Variants in ZC4H2 observed in about 807,000 individuals in gnomAD.
ZC4H2 encodes the protein zinc finger C4H2 domain-containing protein.
For synonymous variants in ZC4H2, 84 were observed against 66.3 expected (o/e 1.27, Z -1.30); for missense variants, 137 against 173.9 (o/e 0.79, Z 1.19).
chrX:64,954,847 T>C (rs1474261349), intron 1 of ZC4H2, among the ~76,000 whole-genome samples: 2 of 111,229 alleles, frequency 1.8e-5, no homozygotes, highest in Admixed American at 1.9e-4. Context: ...AATACTGAAA[T>C]TGTTTAGGTA....
rs1249979885 is a variant in ZC4H2, at chrX:64,976,353, A to G, written c.25T>C (p.Cys9Arg). ...ATCTCTTTAATGCTTTCCAATTTGC[A>G]CATGATTTCTTGCTCATCTGCCATA... Reference protein sequence around the residue: MADEQEIMCKLESIKEIRN... With the variant: MADEQEIMRKLESIKEIRN... The change falls in exon 1 of 5, where the codon TGC (cysteine) becomes CGC (arginine). Residue 9 changes from cysteine to arginine, a missense_variant. Physicochemically the swap from Cys to Arg is radical, Grantham distance 180. Transcript: ENST00000374839. 3.3e-6 allele frequency: 4 copies of G among 1,210,344 alleles called. No individual in the cohort carries two copies. The highest frequency in any genetic ancestry group is 3.5e-5 in the African/African-American group (2 of 57,208).
At chrX:65,022,323 C>A (rs1932842885) in intron 1 of ZC4H2, among the ~76,000 whole-genome samples, 1 of 111,574 alleles carries the variant, frequency 9.0e-6, no homozygotes, top group Admixed American at 9.5e-5. Context: ...AAAGCTTATC[C>A]ACCATGATCA....
At chrX:64,936,033 T>C (rs1298109889) in intron 1 of ZC4H2, among the ~76,000 whole-genome samples, 1 of 109,729 alleles carries the variant, frequency 9.1e-6, no homozygotes, top group African/African-American at 3.3e-5. Flanking sequence ...TGAAAAAGGT[T>C]AGAGGAATTG....
At chrX:64,961,772 A>G (rs761369723) in intron 1 of ZC4H2, among the ~76,000 whole-genome samples, 2 of 111,739 alleles carry the variant, frequency 1.8e-5, no homozygotes, top group Non-Finnish European at 3.8e-5. Flanking sequence ...AAAGGATCAT[A>G]AGACTACTAT....
At chrX:64,993,479 T>A (rs892358802) in intron 1 of ZC4H2, among the ~76,000 whole-genome samples, 1 of 111,521 alleles carries the variant, frequency 9.0e-6, no homozygotes, top group East Asian at 2.8e-4. Flanking sequence ...GTCAGTGTTC[T>A]TATAAAAGAG....
intron 1 of ZC4H2, chrX:64,922,198 C>T: frequency 1.1e-6 from 1 of 920,998 alleles, no homozygotes; most frequent in Non-Finnish European, 1.4e-6. Context: ...ATCACTTGAG[C>T]CCAGGAGTTT....
chrX:65,000,291 C>T (rs1932510854), intron 1 of ZC4H2, among the ~76,000 whole-genome samples: 1 of 111,866 alleles, frequency 8.9e-6, no homozygotes, highest in African/African-American at 3.3e-5. Context: ...CTGGTGACAC[C>T]CAGGCAAACA....
At chrX:64,989,758 G>A (rs1932273060) in intron 1 of ZC4H2, among the ~76,000 whole-genome samples, 1 of 112,022 alleles carries the variant, frequency 8.9e-6, no homozygotes, top group Non-Finnish European at 1.9e-5. Flanking sequence ...TTATACAGAT[G>A]GTAACTACAT....
At chrX:65,005,266 T>C (rs1304404357) in intron 1 of ZC4H2, among the ~76,000 whole-genome samples, 1 of 111,270 alleles carries the variant, frequency 9.0e-6, no homozygotes, top group African/African-American at 3.3e-5. Context: ...AGAGCCCTCA[T>C]ACCCAAGACA....
At chrX:65,001,673 T>C (rs1025931912) in intron 1 of ZC4H2, among the ~76,000 whole-genome samples, 2 of 111,695 alleles carry the variant, frequency 1.8e-5, no homozygotes, top group African/African-American at 3.3e-5. Context: ...GTTAAGCTTA[T>C]TGATGTGCGA....
rs185102535 is a variant in ZC4H2 at position 65,027,722 on chromosome X, C to T, written c.-272+6907G>A. Reference sequence around the variant, plus strand: ...GATCATACTTTGCTTTGTTTGGTCTCAGTGAGACAGAAATTTCAGCACACC... The same window carrying T: ...GATCATACTTTGCTTTGTTTGGTCTTAGTGAGACAGAAATTTCAGCACACC... On this transcript the variant is annotated intron_variant, in intron 1 of 4. Coordinates refer to the ZC4H2 transcript ENST00000337990. Among the ~76,000 whole-genome samples, 6 of 111,614 alleles carry T rather than the reference C, an allele frequency of 5.4e-5. No homozygotes were observed. In the Admixed American group the frequency reaches 5.7e-4, roughly 11 times the overall value.
intron 1 of ZC4H2, among the ~76,000 whole-genome samples, chrX:64,969,972 A>T (rs1406842589): frequency 9.0e-6 from 1 of 111,408 alleles, no homozygotes; most frequent in Non-Finnish European, 1.9e-5. Flanking sequence ...TGAGTCTGGA[A>T]CTCAAGGGAG....
At chrX:64,970,980 T>G (rs6418382) in intron 1 of ZC4H2, among the ~76,000 whole-genome samples, 9,279 of 111,590 alleles carry the variant, frequency 0.083, 1,037 homozygotes, top group African/African-American at 0.29. Context: ...AAGTGAGAAA[T>G]GAATTTCACC....
intron 1 of ZC4H2, among the ~76,000 whole-genome samples, chrX:65,034,366 A>T (rs988666382): frequency 8.9e-6 from 1 of 112,230 alleles, no homozygotes; most frequent in Non-Finnish European, 1.9e-5. Context: ...CAGACGAGTG[A>T]CATAGTCAGA....
intron 1 of ZC4H2, among the ~76,000 whole-genome samples, chrX:64,950,790 A>G (rs1278096651): frequency 9.1e-6 from 1 of 110,048 alleles, no homozygotes; most frequent in East Asian, 2.8e-4. Context: ...ATGGCTCTGG[A>G]TTCTTTTTTA....
At chrX:65,030,039 A>G (rs1244115823) in intron 1 of ZC4H2, among the ~76,000 whole-genome samples, 7 of 112,556 alleles carry the variant, frequency 6.2e-5, no homozygotes, top group Admixed American at 1.9e-4. Flanking sequence ...ATGAAGATCT[A>G]TAGCATACAG....
At chrX:64,959,301 G>A (rs1447373712) in intron 1 of ZC4H2, among the ~76,000 whole-genome samples, 1 of 105,774 alleles carries the variant, frequency 9.5e-6, no homozygotes, top group Non-Finnish European at 1.9e-5. Context: ...ATGTGAGGGA[G>A]AATTAAAACT....
At chrX:65,032,062 G>T (rs1028813442) in intron 1 of ZC4H2, among the ~76,000 whole-genome samples, 1 of 111,262 alleles carries the variant, frequency 9.0e-6, no homozygotes, top group African/African-American at 3.3e-5. Flanking sequence ...TTTGTTGTAG[G>T]AGTTTTTACC....
At chrX:64,927,188 G>T (rs1295770359) in intron 1 of ZC4H2, among the ~76,000 whole-genome samples, 1 of 110,118 alleles carries the variant, frequency 9.1e-6, no homozygotes, top group Non-Finnish European at 1.9e-5. Flanking sequence ...GAACATGCAG[G>T]TTTGTTACAT....
Sources: allele counts gnomAD v4.1 joint callset (sites outside exome capture counted in the v4.1 genomes callset), GRCh38; gene constraint gnomAD v4.1.1; transcripts MANE v1.5; gene names NCBI Gene and HGNC (gene_info 2026-07-23, HGNC 2026-07-21).